DLGAP2: variants seen among roughly 807,000 people sequenced by gnomAD.
The protein encoded by DLGAP2 is DLG associated protein 2.
In DLGAP2, 26 loss-of-function variants were observed where a neutral mutation model predicts 100.3. The ratio of observed to expected loss-of-function variants is 0.26; its 90% CI spans 0.19 to 0.36. DLGAP2 has a LOEUF of 0.36. Among genes scored for constraint, DLGAP2 ranks in the 10% least tolerant of loss-of-function variants. The probability of loss-of-function intolerance (pLI) is 1.00; values close to 1 mark genes in which losing one functional copy is unlikely to be tolerated. For missense variants in DLGAP2, 1,858 were observed against 1,453.2 expected (o/e 1.28, Z -4.53); for synonymous variants, 886 against 630.1 (o/e 1.41, Z -6.08).
At chr8:1,333,408 G>A (rs993076380) in intron 3 of DLGAP2, among the ~76,000 whole-genome samples, 10 of 152,122 alleles carry the variant, frequency 6.6e-5, no homozygotes, top group South Asian at 2.1e-4. Context: ...GTCCAGGGCC[G>A]TCTTCATTTA....
chr8:868,814 A>G (rs575423398), intron 1 of DLGAP2, among the ~76,000 whole-genome samples: 5 of 152,326 alleles, frequency 3.3e-5, no homozygotes, highest in African/African-American at 1.2e-4. Context: ...CCGGGCCTAG[A>G]GAGCGCGGTC....
intron 2 of DLGAP2, among the ~76,000 whole-genome samples, chr8:940,957 G>A (rs1327980104): frequency 6.6e-6 from 1 of 152,110 alleles, no homozygotes; most frequent in African/African-American, 2.4e-5. Flanking sequence ...TGCCAGGAGA[G>A]GGGAGCAGCG....
At chr8:1,539,829 C>T (rs1450258832) in intron 4 of DLGAP2, among the ~76,000 whole-genome samples, 1 of 152,162 alleles carries the variant, frequency 6.6e-6, no homozygotes, top group Admixed American at 6.5e-5. Flanking sequence ...GTGCCATGAG[C>T]ACCACGGCCC....
intron 1 of DLGAP2, among the ~76,000 whole-genome samples, chr8:861,537 G>T (rs114355533): frequency 6.6e-6 from 1 of 152,172 alleles, no homozygotes; most frequent in South Asian, 2.1e-4. Flanking sequence ...GGGTCTTGTC[G>T]AATGATAGAA....
At chr8:1,049,159 T>C (rs982911314) in intron 2 of DLGAP2, among the ~76,000 whole-genome samples, 2 of 152,232 alleles carry the variant, frequency 1.3e-5, no homozygotes, top group African/African-American at 4.8e-5. Flanking sequence ...GACTGGTGTC[T>C]CTGAGCCTCG....
At chr8:850,402 A>G (rs1198733193) in intron 1 of DLGAP2, among the ~76,000 whole-genome samples, 3 of 152,188 alleles carry the variant, frequency 2.0e-5, no homozygotes, top group African/African-American at 7.2e-5. Flanking sequence ...TTTTATTTCC[A>G]ATTTACAATG....
At chr8:1,166,806 A>C (rs1177279787) in intron 2 of DLGAP2, among the ~76,000 whole-genome samples, 1 of 152,178 alleles carries the variant, frequency 6.6e-6, no homozygotes, top group Non-Finnish European at 1.5e-5. Context: ...GTCTCTGGTA[A>C]ATGTAAGTAT....
At chr8:1,201,473 C>T (rs894545314) in intron 2 of DLGAP2, among the ~76,000 whole-genome samples, 8 of 152,178 alleles carry the variant, frequency 5.3e-5, no homozygotes, top group African/African-American at 1.7e-4. Flanking sequence ...TTCTCCAGAG[C>T]CTCCAGAAGG....
chr8:738,353 C>G (rs1349293484), intron 1 of DLGAP2, among the ~76,000 whole-genome samples: 1 of 151,120 alleles, frequency 6.6e-6, no homozygotes, highest in Non-Finnish European at 1.5e-5. Context: ...GGGGCGGGGG[C>G]GACCAGGATG....
intron 2 of DLGAP2, among the ~76,000 whole-genome samples, chr8:1,039,721 C>G (rs1343000717): frequency 7.8e-6 from 1 of 129,030 alleles, no homozygotes; most frequent in Admixed American, 8.3e-5. Flanking sequence ...TTTCCGTGGT[C>G]AGCTTGGTTT....
intron 8 of DLGAP2, among the ~76,000 whole-genome samples, chr8:1,638,593 G>T (rs570856460): frequency 1.3e-5 from 2 of 152,314 alleles, no homozygotes; most frequent in Admixed American, 1.3e-4. Flanking sequence ...AGGTGAGAAG[G>T]GATGAGGCCG....
chr8:1,356,661 G>C (rs1341378601), intron 3 of DLGAP2, among the ~76,000 whole-genome samples: 1 of 152,242 alleles, frequency 6.6e-6, no homozygotes, highest in Non-Finnish European at 1.5e-5. Context: ...AACCGTGACG[G>C]TTGGTGAATG....
rs530733499 is a variant in DLGAP2, at chr8:828,324, C to CG, written c.19-79581dup. On this transcript the variant is annotated intron_variant, in intron 1 of 14. Transcript: ENST00000637795. ...TCGACCATAAGAGACAGGTACGCCC[C>CG]GGGGGGGCCAGTTCAGAGACCTACC... is the stretch of plus-strand genomic sequence containing the variant. Among the ~76,000 whole-genome samples the CG allele has an allele frequency of 6.5e-3, 987 of 152,156 alleles. 9 individuals carry two copies. Among genetic ancestry groups the CG allele is most frequent in the African/African-American group, 0.023 (936 of 41,518 alleles).
chr8:1,145,161 C>A (rs1218226656), intron 2 of DLGAP2, among the ~76,000 whole-genome samples: 2 of 152,118 alleles, frequency 1.3e-5, no homozygotes, highest in Non-Finnish European at 2.9e-5. Flanking sequence ...ACAAAGCAAC[C>A]AGAAACACAA....
intron 4 of DLGAP2, among the ~76,000 whole-genome samples, chr8:1,501,942 C>A (rs956550267): frequency 1.3e-5 from 2 of 152,208 alleles, no homozygotes; most frequent in Non-Finnish European, 2.9e-5. Context: ...GTGGAAATTT[C>A]ATTTCTGAGC....
At chr8:1,505,001 A>G in intron 4 of DLGAP2, among the ~76,000 whole-genome samples, 1 of 152,350 alleles carries the variant, frequency 6.6e-6, no homozygotes, top group Non-Finnish European at 1.5e-5. Flanking sequence ...AAAAAACACA[A>G]AAAGAAAGGA....
At chr8:1,409,126 C>G (rs1490143301) in intron 3 of DLGAP2, among the ~76,000 whole-genome samples, 1 of 88,268 alleles carries the variant, frequency 1.1e-5, no homozygotes, top group Middle Eastern at 6.8e-3. Flanking sequence ...CTCACCATAG[C>G]AGGCGCCCGG....
intron 3 of DLGAP2, among the ~76,000 whole-genome samples, chr8:1,332,975 C>T (rs937090081): frequency 1.7e-4 from 26 of 152,158 alleles, no homozygotes; most frequent in Non-Finnish European, 3.4e-4. Flanking sequence ...AGCATGTGGC[C>T]GCCTCGTCAG....
At chr8:852,912 A>AC (rs140286417) in intron 1 of DLGAP2, among the ~76,000 whole-genome samples, 19,289 of 152,228 alleles carry the variant, frequency 0.13, 1,403 homozygotes, top group East Asian at 0.25. Flanking sequence ...TTTCTGCAAC[A>AC]GATTTTGGTA....
Sources: allele counts gnomAD v4.1 joint callset (sites outside exome capture counted in the v4.1 genomes callset), GRCh38; gene constraint gnomAD v4.1.1; transcripts MANE v1.5; gene names NCBI Gene and HGNC (gene_info 2026-07-23, HGNC 2026-07-21).